Variants in DHTKD1 observed in about 807,000 individuals in gnomAD.
DHTKD1 encodes the protein dehydrogenase E1 and transketolase domain containing 1, also known as 2-oxoadipate dehydrogenase complex component E1.
DHTKD1 carries 78 observed loss-of-function variants against 101.8 expected under a neutral mutation model. The ratio of observed to expected loss-of-function variants is 0.77; its 90% CI spans 0.64 to 0.93. The LOEUF (loss-of-function observed/expected upper bound fraction) is 0.93. DHTKD1 is among the 40% of genes least tolerant of loss of function. DHTKD1 has a pLI of 0.00. For missense variants in DHTKD1, 1,223 were observed against 1,161.7 expected, an observed-to-expected ratio of 1.05 and a Z score of -0.77; for synonymous variants, 462 against 450.3, an observed-to-expected ratio of 1.03 and a Z score of -0.33.
At chr10:12,095,804 C>G (rs1198875602) in intron 7 of DHTKD1, among the ~76,000 whole-genome samples, 1 of 73,466 alleles carries the variant, frequency 1.4e-5, no homozygotes, top group African/African-American at 4.6e-5. Flanking sequence ...CATAGCGAGA[C>G]TCCGTCTCAA....
At chr10:12,096,665 T>TA (rs1833075219) in intron 7 of DHTKD1, among the ~76,000 whole-genome samples, 1 of 152,258 alleles carries the variant, frequency 6.6e-6, no homozygotes, top group African/African-American at 2.4e-5. Flanking sequence ...GCGTTAGCTT[T>TA]AAAATCTATC....
At chr10:12,091,885 ACTTCT>A (rs1832996187) in intron 6 of DHTKD1, among the ~76,000 whole-genome samples, 1 of 151,862 alleles carries the variant, frequency 6.6e-6, no homozygotes, top group African/African-American at 2.4e-5. Context: ...GCTCACTGCA[ACTTCT>A]GCCTCCCGAG....
At position 12,100,215 on chromosome 10, in the gene DHTKD1, A is replaced by G. The variant is rs755956888; in HGVS notation, c.1709A>G (p.Asp570Gly). Residue 570 changes from aspartate (D) to glycine (G), a missense_variant, in exon 9 of 17, where the codon GAC (aspartate) becomes GGC (glycine). Transcript: ENST00000263035. ...AAGATGATGGACGGAATCAAGCTAG[A>G]CTGGGCCACCGCGGAAGCTCTTGCC... ...MEKMMDGIKLDWATAEALALG... is the reference protein window; with the variant it reads ...MEKMMDGIKLGWATAEALALG... The G allele has an allele frequency of 3.1e-6, 5 of 1,594,414 alleles. No individual in the cohort carries two copies. Among genetic ancestry groups the G allele is most frequent in the African/African-American group, 1.4e-5 (1 of 73,398 alleles).
chr10:12,089,132 G>A lies in DHTKD1; in HGVS notation c.864G>A (p.Ser288=), dbSNP rs1409120999. 9 of 1,614,088 alleles carry A rather than the reference G, an allele frequency of 5.6e-6. No individual in the cohort carries two copies. The Admixed American group carries it at 6.7e-5, about 12-fold the overall frequency. The change falls in exon 5 of 17, where the codon TCG becomes TCA. Residue 288 remains serine, a synonymous_variant. Coordinates refer to ENST00000263035, the MANE Select transcript of DHTKD1 (RefSeq NM_018706.7). The part of the protein sequence containing the change: ...PLHVTMLPNP[S]HLEAVNPVAV... Reference sequence around the variant, plus strand: ...ATGTGACAATGTTGCCCAATCCCTCGCACCTGGAGGCCGTCAACCCCGTGG... The same window carrying A: ...ATGTGACAATGTTGCCCAATCCCTCACACCTGGAGGCCGTCAACCCCGTGG...
chr10:12,119,597 C>A (rs1488380555), intron 15 of DHTKD1, among the ~76,000 whole-genome samples: 2 of 123,164 alleles, frequency 1.6e-5, no homozygotes, highest in Non-Finnish European at 3.2e-5. Flanking sequence ...GCCTGGGCGA[C>A]AGAGCGAGAC....
chr10:12,083,472 T>C (rs953194955), intron 2 of DHTKD1, among the ~76,000 whole-genome samples: 2 of 152,166 alleles, frequency 1.3e-5, no homozygotes, highest in Non-Finnish European at 2.9e-5. Flanking sequence ...TGGTGGCTTA[T>C]GCCTGTAATC....
intron 5 of DHTKD1, among the ~76,000 whole-genome samples, chr10:12,090,389 T>TCCTTCC (rs1554791901): frequency 0.027 from 2,835 of 105,622 alleles, 146 homozygotes; most frequent in South Asian, 0.049. Flanking sequence ...TCCTTCCTTT[T>TCCTTCC]TTCCTTCCTT....
chr10:12,120,043 G>T, intron 15 of DHTKD1, 139 bp from the exon 16 acceptor site: 1 of 660,210 alleles, frequency 1.5e-6, no homozygotes, highest in Non-Finnish European at 2.7e-6. Context: ...ATGGGTACTT[G>T]AAGTACAGTT....
intron 13 of DHTKD1, among the ~76,000 whole-genome samples, chr10:12,115,510 T>C (rs1833402060): frequency 6.6e-6 from 1 of 152,144 alleles, no homozygotes; most frequent in Non-Finnish European, 1.5e-5. Context: ...TTGCACTAGG[T>C]ACCTTACTTG....
chr10:12,109,395 C>G (rs973939975), intron 12 of DHTKD1, among the ~76,000 whole-genome samples: 9 of 151,188 alleles, frequency 6.0e-5, no homozygotes, highest in African/African-American at 2.2e-4. Flanking sequence ...ATGTGAAATG[C>G]AAAACTACTA....
Position 12,088,332 on chromosome 10 carries a change from A to C in DHTKD1, c.717+603A>C, listed in dbSNP as rs369516202. Among the ~76,000 whole-genome samples the C allele has an allele frequency of 2.0e-4, 30 of 151,430 alleles. 1 individual carries two copies. The East Asian group carries it at 2.2e-3, about 11-fold the overall frequency. ...GTGGCATGGTCTCTACAAACATGAA[A>C]ATTAGGTGGTGCACCTATGGTTCCA... On this transcript the variant is annotated intron_variant, in intron 4 of 16. Transcript: ENST00000263035.
chr10:12,080,586 C>A (rs183866881), intron 1 of DHTKD1, among the ~76,000 whole-genome samples: 32 of 151,800 alleles, frequency 2.1e-4, no homozygotes, highest in Admixed American at 2.0e-3. Context: ...TGGCGGGAAC[C>A]TGTAGTCCCA....
At chr10:12,094,319 A>G in intron 7 of DHTKD1, 48 bp downstream of exon 7, 2 of 1,521,062 alleles carry the variant, frequency 1.3e-6, no homozygotes, top group South Asian at 2.3e-5. Flanking sequence ...AATTAAAATT[A>G]CTATTATTAT....
At chr10:12,105,119 C>G (rs1302596248) in intron 10 of DHTKD1, among the ~76,000 whole-genome samples, 3 of 152,068 alleles carry the variant, frequency 2.0e-5, no homozygotes, top group African/African-American at 7.2e-5. Flanking sequence ...TTTGGCCTCC[C>G]AAAGTGCTGG....
In DHTKD1 at chr10:12,112,961, C is replaced by T. The variant is rs1339527024; in HGVS notation, c.2216C>T (p.Pro739Leu). 1 of 1,613,382 alleles carries T rather than the reference C, an allele frequency of 6.2e-7. No homozygotes were observed. Among genetic ancestry groups the T allele is most frequent in the Non-Finnish European group, 8.5e-7 (1 of 1,179,788 alleles). The change falls in exon 13 of 17, where the codon CCA becomes CTA. Residue 739 changes from proline to leucine, a missense_variant. Physicochemically the swap from Pro to Leu is moderately conservative, Grantham distance 98 (BLOSUM62 -3). Transcript: ENST00000263035. ...ACTGTGAACATGTTTGTGGTTCACC[C>T]AACAACTCCTGCACAGTATTTCCAC... Reference protein sequence around the residue: ...GDTVNMFVVHPTTPAQYFHLL... With the variant: ...GDTVNMFVVHLTTPAQYFHLL...
chr10:12,081,559 C>A lies in DHTKD1; in HGVS notation c.242C>A (p.Ala81Asp), dbSNP rs751243967. Residue 81 changes from alanine to aspartate, a missense_variant, in exon 2 of 17, where the codon GCC becomes GAC. Ala to Asp is a moderately radical substitution (Grantham distance 126, BLOSUM62 -2). Transcript: ENST00000263035. ...AKINPLFTGQ[A>D]LLENVPEIQA... ...ATCAACCCCCTCTTCACCGGACAAG[C>A]CCTGCTGGAGAATGTGCCTGAAATC... 1 of 1,614,144 alleles carries A rather than the reference C, an allele frequency of 6.2e-7. No homozygotes were observed. Among genetic ancestry groups the A allele is most frequent in the Non-Finnish European group, 8.5e-7 (1 of 1,180,012 alleles).
chr10:12,118,639 C>T (rs1833462344), intron 14 of DHTKD1, 110 bp from the exon 15 acceptor site: 3 of 802,270 alleles, frequency 3.7e-6, no homozygotes, highest in Admixed American at 6.1e-5. Context: ...GCCTTGGCCT[C>T]CCAAAGTGCT....
intron 13 of DHTKD1, among the ~76,000 whole-genome samples, chr10:12,115,678 T>A (rs1722455): frequency 2.6e-5 from 4 of 152,116 alleles, no homozygotes; most frequent in African/African-American, 4.8e-5. Flanking sequence ...TATATATTTC[T>A]AGGTGACCTC....
intron 7 of DHTKD1, among the ~76,000 whole-genome samples, chr10:12,094,528 A>C (rs1490253313): frequency 1.3e-5 from 2 of 150,418 alleles, no homozygotes; most frequent in Non-Finnish European, 3.0e-5. Context: ...GTAGAGATGG[A>C]GTTTTGCCAT....
Sources: gnomAD v4.1 joint callset for allele counts (sites outside exome capture counted in the v4.1 genomes callset) on GRCh38, gnomAD v4.1.1 for gene constraint, MANE v1.5 for transcripts, NCBI Gene and HGNC (gene_info 2026-07-23, HGNC 2026-07-21) for gene names.